The following ANO10 variants were observed in gnomAD, a reference collection of about 807,000 sequenced individuals.
ANO10 encodes the protein anoctamin-10.
In ANO10, 77 loss-of-function variants were observed where a neutral mutation model predicts 74.7. That is an observed-to-expected ratio of 1.03 (90% CI 0.86 to 1.25). The LOEUF (loss-of-function observed/expected upper bound fraction) is 1.25. Among genes scored for constraint, ANO10 ranks in the 50% most tolerant of loss-of-function variants. The probability of loss-of-function intolerance (pLI) is 0.00; values close to 1 mark genes in which losing one functional copy is unlikely to be tolerated. For missense variants in ANO10, 721 were observed against 778.1 expected (o/e 0.93, Z 0.87); for synonymous variants, 279 against 284.9 (o/e 0.98, Z 0.21).
chr3:43,644,905 C>A (rs1327890507), intron 1 of ANO10, among the ~76,000 whole-genome samples: 1 of 152,250 alleles, frequency 6.6e-6, no homozygotes, highest in Non-Finnish European at 1.5e-5. Flanking sequence ...AAGAGGCCCT[C>A]TTGAACCCTT....
At chr3:43,522,021 T>C (rs1423522165) in intron 11 of ANO10, among the ~76,000 whole-genome samples, 1 of 152,158 alleles carries the variant, frequency 6.6e-6, no homozygotes, top group Admixed American at 6.5e-5. Context: ...AACATAATGC[T>C]AAGTGAAATA....
chr3:43,568,367 A>G (rs1384035015), intron 7 of ANO10, among the ~76,000 whole-genome samples: 2 of 152,214 alleles, frequency 1.3e-5, no homozygotes, highest in Non-Finnish European at 2.9e-5. Context: ...TCCACCCCAT[A>G]TCAACAGAAT....
At chr3:43,456,393 A>G (rs1178633299) in intron 11 of ANO10, among the ~76,000 whole-genome samples, 1 of 152,210 alleles carries the variant, frequency 6.6e-6, no homozygotes, top group Non-Finnish European at 1.5e-5. Context: ...GCTCTGAGGT[A>G]AGCTCTTGCA....
intron 1 of ANO10, among the ~76,000 whole-genome samples, chr3:43,639,350 G>A (rs997507083): frequency 6.6e-6 from 1 of 152,188 alleles, no homozygotes; most frequent in African/African-American, 2.4e-5. Context: ...ACTAGATCTA[G>A]AGGGCTCCCG....
At chr3:43,593,735 G>C (rs1190517563) in intron 4 of ANO10, among the ~76,000 whole-genome samples, 1 of 152,172 alleles carries the variant, frequency 6.6e-6, no homozygotes, top group African/African-American at 2.4e-5. Flanking sequence ...ACATCATAAT[G>C]ACAGGATCAA....
At chr3:43,512,033 C>T (rs1379180285) in intron 11 of ANO10, among the ~76,000 whole-genome samples, 2 of 152,192 alleles carry the variant, frequency 1.3e-5, no homozygotes, top group Non-Finnish European at 2.9e-5. Flanking sequence ...TGCTTTTGGA[C>T]AGCCCAGGCT....
At chr3:43,680,076 G>C (rs962433885) in intron 1 of ANO10, among the ~76,000 whole-genome samples, 1 of 152,348 alleles carries the variant, frequency 6.6e-6, no homozygotes, top group Non-Finnish European at 1.5e-5. Context: ...ACGGAACAAA[G>C]CTGGACAGAG....
At chr3:43,546,694 T>C (rs1269558195) in intron 11 of ANO10, among the ~76,000 whole-genome samples, 2 of 148,064 alleles carry the variant, frequency 1.4e-5, no homozygotes, top group African/African-American at 2.5e-5. Flanking sequence ...AGTGTGGACA[T>C]ATAGAAGATG....
rs1180770083 is a variant in ANO10, at chr3:43,438,988, A to T, written c.1798-6261T>A. ...GAACAGAACTTAATTTGAGGAAATAATAGCTGGAAACTTACCAAATCTGAA... is the reference window on the plus strand; with the variant it reads ...GAACAGAACTTAATTTGAGGAAATATTAGCTGGAAACTTACCAAATCTGAA... On this transcript the variant is annotated intron_variant, in intron 11 of 12. Transcript: ENST00000292246. Among the ~76,000 whole-genome samples the T allele has an allele frequency of 2.0e-5, 3 of 152,284 alleles. No homozygotes were observed. In the East Asian group the frequency reaches 5.8e-4, roughly 29 times the overall value.
At chr3:43,662,130 T>C (rs994253501) in intron 1 of ANO10, among the ~76,000 whole-genome samples, 5 of 152,210 alleles carry the variant, frequency 3.3e-5, no homozygotes, top group Non-Finnish European at 7.3e-5. Context: ...GTCGCACTTA[T>C]TCTAAAAGTG....
chr3:43,605,620 A>G (rs1259720425), intron 2 of ANO10, 94 bp downstream of exon 2: 1 of 1,471,668 alleles, frequency 6.8e-7, no homozygotes, highest in Non-Finnish European at 9.4e-7. Context: ...ACACATTTGC[A>G]AATACATTTT....
At chr3:43,662,248 A>G (rs2083934851) in intron 1 of ANO10, among the ~76,000 whole-genome samples, 1 of 152,226 alleles carries the variant, frequency 6.6e-6, no homozygotes. Flanking sequence ...CAGGATTAAG[A>G]ATCTCACTCA....
intron 12 of ANO10, among the ~76,000 whole-genome samples, chr3:43,367,177 T>C (rs1402390633): frequency 6.6e-6 from 1 of 152,220 alleles, no homozygotes; most frequent in Non-Finnish European, 1.5e-5. Flanking sequence ...AATGTCGCAC[T>C]GTGTGAGCCC....
chr3:43,633,016 G>A (rs934178442), intron 1 of ANO10, among the ~76,000 whole-genome samples: 1 of 152,130 alleles, frequency 6.6e-6, no homozygotes, highest in African/African-American at 2.4e-5. Context: ...CGTTTAAAAT[G>A]CCTCAACATA....
At chr3:43,482,698 C>T (rs1403004290) in intron 11 of ANO10, among the ~76,000 whole-genome samples, 1 of 152,208 alleles carries the variant, frequency 6.6e-6, no homozygotes, top group East Asian at 1.9e-4. Flanking sequence ...ACCAAAAAGG[C>T]CTTGGCCAAT....
At chr3:43,418,361 T>C (rs559245714) in intron 12 of ANO10, among the ~76,000 whole-genome samples, 8 of 152,238 alleles carry the variant, frequency 5.3e-5, no homozygotes, top group African/African-American at 1.7e-4. Flanking sequence ...TTGTTACTTA[T>C]GCAGGGAGAG....
Position 43,555,390 on chromosome 3 carries a change from GCTGCTAATGGGTAAA to G in ANO10, c.1541_1555del (p.Val514_Ala518del). 1 of 1,614,150 alleles carries G rather than the reference GCTGCTAATGGGTAAA, an allele frequency of 6.2e-7. No individual in the cohort carries two copies. Among genetic ancestry groups the G allele is most frequent in the Non-Finnish European group, 8.5e-7 (1 of 1,180,016 alleles). On this transcript the variant is annotated inframe_deletion, in exon 10 of 13. Transcript: ENST00000292246. ...GAAGTTATTTAACACAGCAAAGGCA[GCTGCTAATGGGTAAA>G]CACAGGAGAAAAGGCTCACATAACC... is the stretch of plus-strand genomic sequence containing the variant.
intron 8 of ANO10, among the ~76,000 whole-genome samples, chr3:43,562,423 G>A (rs55823043): frequency 0.025 from 3,193 of 127,288 alleles, 128 homozygotes; most frequent in African/African-American, 0.089. Flanking sequence ...CTGCACTCCA[G>A]CCTGGGCGGC....
At chr3:43,508,702 C>A (rs1293644403) in intron 11 of ANO10, among the ~76,000 whole-genome samples, 2 of 151,520 alleles carry the variant, frequency 1.3e-5, no homozygotes, top group East Asian at 3.9e-4. Context: ...GGACAAAAAA[C>A]CAAACACCGC....
Sources: gnomAD v4.1 joint callset for allele counts (sites outside exome capture counted in the v4.1 genomes callset) on GRCh38, gnomAD v4.1.1 for gene constraint, MANE v1.5 for transcripts, NCBI Gene and HGNC (gene_info 2026-07-23, HGNC 2026-07-21) for gene names.